Variants in CNTN1 observed in about 807,000 individuals in gnomAD.
CNTN1 encodes contactin 1.
In CNTN1, 38 loss-of-function variants were observed where a neutral mutation model predicts 126.4. The observed-to-expected ratio is 0.30, with a 90% CI of 0.23 to 0.39. The LOEUF (loss-of-function observed/expected upper bound fraction) is 0.39. CNTN1 is among the 10% of genes least tolerant of loss of function. The pLI is 1.00. For missense variants in CNTN1, 1,009 were observed against 1,248.4 expected, an observed-to-expected ratio of 0.81 and a Z score of 2.89; for synonymous variants, 413 against 422.6, an observed-to-expected ratio of 0.98 and a Z score of 0.28.
chr12:41,069,428 C>T (rs895609329), intron 23 of CNTN1, among the ~76,000 whole-genome samples: 5 of 151,942 alleles, frequency 3.3e-5, no homozygotes, highest in African/African-American at 1.2e-4. Context: ...TACTGTATCT[C>T]TTTTTTTACA....
At chr12:40,958,973 G>T in intron 14 of CNTN1, 141 bp from the exon 15 acceptor site, 1 of 912,110 alleles carries the variant, frequency 1.1e-6, no homozygotes, top group Non-Finnish European at 1.7e-6. Context: ...CCTAGAGCAA[G>T]GACATAGAGT....
chr12:40,887,537 G>T (rs1378829744), intron 1 of CNTN1, among the ~76,000 whole-genome samples: 1 of 152,110 alleles, frequency 6.6e-6, no homozygotes, highest in Non-Finnish European at 1.5e-5. Flanking sequence ...AGGATGTGGA[G>T]AAATAGGAAC....
chr12:40,829,904 T>C (rs1941750387), intron 1 of CNTN1, among the ~76,000 whole-genome samples: 2 of 152,128 alleles, frequency 1.3e-5, no homozygotes, highest in South Asian at 4.1e-4. Context: ...CTTAAAGATA[T>C]TTATTGCCTA....
At position 40,960,768 on chromosome 12, in the gene CNTN1, G is replaced by A. The variant is rs116091502; in HGVS notation, c.1804+1534G>A. Among the ~76,000 whole-genome samples, 1,291 of 152,198 alleles carry A rather than the reference G, an allele frequency of 8.5e-3. 19 individuals carry two copies. The highest frequency in any genetic ancestry group is 0.029 in the African/African-American group (1,210 of 41,532). ...GATTGTTTTCAAGAATTATTAGGGA[G>A]AGGGATTAGAGGGATTAGTTCACCA... On this transcript the variant is annotated intron_variant, in intron 15 of 23. Coordinates refer to ENST00000551295, the MANE Select transcript of CNTN1 (RefSeq NM_001843.4).
At chr12:40,778,547 A>T in intron 1 of CNTN1, among the ~76,000 whole-genome samples, 1 of 151,866 alleles carries the variant, frequency 6.6e-6, no homozygotes, top group South Asian at 2.1e-4. Context: ...TAGACAAAAA[A>T]TATTATATTA....
intron 23 of CNTN1, among the ~76,000 whole-genome samples, chr12:41,056,637 G>A (rs185290485): frequency 2.2e-3 from 335 of 152,014 alleles, no homozygotes; most frequent in African/African-American, 7.8e-3. Context: ...TTTGGGAGAG[G>A]ACCTGACATA....
intron 14 of CNTN1, among the ~76,000 whole-genome samples, chr12:40,958,864 C>T (rs775182639): frequency 9.2e-5 from 14 of 151,936 alleles, no homozygotes; most frequent in Non-Finnish European, 1.5e-4. Context: ...CTCGATATAA[C>T]CCTCTGATTG....
At chr12:40,875,388 T>C (rs1943634529) in intron 1 of CNTN1, among the ~76,000 whole-genome samples, 2 of 152,052 alleles carry the variant, frequency 1.3e-5, no homozygotes, top group Admixed American at 6.6e-5. Context: ...CCCATTTGTA[T>C]CCACACCCAT....
rs80035122 is a variant in CNTN1 at position 41,001,974 on chromosome 12, T to C, written c.2113+8705T>C. Among the ~76,000 whole-genome samples the C allele has an allele frequency of 2.1e-3, 318 of 152,336 alleles. 1 individual carries two copies. Among genetic ancestry groups the C allele is most frequent in the African/African-American group, 7.3e-3 (302 of 41,578 alleles). On this transcript the variant is annotated intron_variant, in intron 17 of 23. Coordinates refer to ENST00000551295, the MANE Select transcript of CNTN1 (RefSeq NM_001843.4). ...TTTCTGGGTTCTCTATTCTGTTTCA[T>C]TGGTCTATGTGTCTGTTTTTATGTA...
chr12:41,015,637 T>C (rs1948763005), intron 18 of CNTN1, among the ~76,000 whole-genome samples: 1 of 152,102 alleles, frequency 6.6e-6, no homozygotes, highest in South Asian at 2.1e-4. Flanking sequence ...TATATCTTCC[T>C]ATTTAATATA....
chr12:40,718,242 C>T (rs191316961), intron 1 of CNTN1, among the ~76,000 whole-genome samples: 2 of 152,264 alleles, frequency 1.3e-5, no homozygotes, highest in African/African-American at 4.8e-5. Context: ...AATTTTGGCT[C>T]ACTGCAACCT....
chr12:40,820,578 G>A (rs1941412446), intron 1 of CNTN1, among the ~76,000 whole-genome samples: 2 of 152,178 alleles, frequency 1.3e-5, no homozygotes, highest in Non-Finnish European at 2.9e-5. Context: ...AAGTGGAGTG[G>A]TCATGATTCT....
intron 1 of CNTN1, among the ~76,000 whole-genome samples, chr12:40,802,796 A>G (rs1940706317): frequency 6.6e-6 from 1 of 152,020 alleles, no homozygotes; most frequent in South Asian, 2.1e-4. Context: ...TCTCATAAAA[A>G]GCAGATATTA....
chr12:40,750,721 G>A (rs1251986933), intron 1 of CNTN1, among the ~76,000 whole-genome samples: 1 of 151,946 alleles, frequency 6.6e-6, no homozygotes, highest in Non-Finnish European at 1.5e-5. Flanking sequence ...TGCTACTAAG[G>A]GAAGAGAAAT....
intron 6 of CNTN1, among the ~76,000 whole-genome samples, chr12:40,925,844 G>GTGTA (rs1945659965): frequency 5.2e-5 from 2 of 38,332 alleles, no homozygotes; most frequent in Non-Finnish European, 5.5e-5. Flanking sequence ...GTGTGTGTGT[G>GTGTA]TATATATATA....
intron 1 of CNTN1, among the ~76,000 whole-genome samples, chr12:40,901,701 T>A (rs1165506593): frequency 6.6e-6 from 1 of 152,236 alleles, no homozygotes; most frequent in Non-Finnish European, 1.5e-5. Flanking sequence ...TATCTGCTCA[T>A]TGAACAACAT....
chr12:40,766,356 T>TAAAAAAAAAA, intron 1 of CNTN1, among the ~76,000 whole-genome samples: 1 of 133,824 alleles, frequency 7.5e-6, no homozygotes, highest in African/African-American at 2.8e-5. Flanking sequence ...AACTCCGTCT[T>TAAAAAAAAAA]AAAAAAAAAA....
intron 6 of CNTN1, among the ~76,000 whole-genome samples, chr12:40,926,238 G>A (rs1326397420): frequency 8.0e-5 from 11 of 138,024 alleles, no homozygotes; most frequent in Admixed American, 5.7e-4. Flanking sequence ...GCAGGGAAGT[G>A]GGGAGAGTAA....
chr12:40,939,575 GT>G lies in CNTN1; in HGVS notation c.1379+96del, dbSNP rs879113383. 228 of 1,460,168 alleles carry G rather than the reference GT, an allele frequency of 1.6e-4. 3 individuals are homozygous for G. In the East Asian group the frequency reaches 2.4e-3, roughly 15 times the overall value. 90.5% of individuals were successfully genotyped at this position (1,460,168 alleles called of 1,614,324 possible). ...TTGTTTATATGTTAATAATGAAAAT[GT>G]TTTTTGCTCTGAATTTTTTTTTTCA... is the stretch of plus-strand genomic sequence containing the variant. On this transcript the variant is annotated intron_variant, in intron 12 of 23. Transcript: ENST00000551295.
Sources: gnomAD v4.1 joint callset for allele counts (sites outside exome capture counted in the v4.1 genomes callset) on GRCh38, gnomAD v4.1.1 for gene constraint, MANE v1.5 for transcripts, NCBI Gene and HGNC (gene_info 2026-07-23, HGNC 2026-07-21) for gene names.